The following CENPP variants were observed in gnomAD, a reference collection of about 807,000 sequenced individuals.
The protein encoded by CENPP is centromere protein P.
CENPP carries 24 observed loss-of-function variants against 35.6 expected under a neutral mutation model. That is an observed-to-expected ratio of 0.67 (90% CI 0.49 to 0.95). The LOEUF (loss-of-function observed/expected upper bound fraction) is 0.95. Ranked by LOEUF, CENPP falls within the 40% of genes least tolerant of loss-of-function variation. CENPP has a pLI of 0.00. For missense variants in CENPP, 332 were observed against 345.3 expected (o/e 0.96, Z 0.31); for synonymous variants, 120 against 125.5 (o/e 0.96, Z 0.29).
At chr9:92,478,344 T>C (rs1444767894) in intron 5 of CENPP, among the ~76,000 whole-genome samples, 1 of 152,208 alleles carries the variant, frequency 6.6e-6, no homozygotes, top group Admixed American at 6.5e-5. Flanking sequence ...GGGTTCACAA[T>C]TTCTTGAGGC....
chr9:92,589,174 A>G (rs1850610958), intron 5 of CENPP, among the ~76,000 whole-genome samples: 1 of 148,208 alleles, frequency 6.7e-6, no homozygotes, highest in Non-Finnish European at 1.5e-5. Flanking sequence ...CCAAAAATAC[A>G]CCAAAAAAAA....
At chr9:92,425,751 G>A (rs1157373862) in intron 5 of CENPP, among the ~76,000 whole-genome samples, 1 of 152,194 alleles carries the variant, frequency 6.6e-6, no homozygotes, top group African/African-American at 2.4e-5. Context: ...ACATTGGTAT[G>A]AAAAACGTGG....
intron 2 of CENPP, among the ~76,000 whole-genome samples, chr9:92,334,958 G>A (rs1202668888): frequency 2.6e-5 from 4 of 151,812 alleles, no homozygotes; most frequent in Middle Eastern, 3.2e-3. Flanking sequence ...AAGCCGAGGC[G>A]GGCGAATCAC....
At chr9:92,442,971 TACTCA>T (rs1239177735) in intron 5 of CENPP, among the ~76,000 whole-genome samples, 1 of 151,890 alleles carries the variant, frequency 6.6e-6, no homozygotes, top group East Asian at 1.9e-4. Flanking sequence ...CATGAGGAAA[TACTCA>T]ACTCTCTTCT....
At chr9:92,566,745 A>T (rs1472884203) in intron 5 of CENPP, among the ~76,000 whole-genome samples, 1 of 152,246 alleles carries the variant, frequency 6.6e-6, no homozygotes, top group Non-Finnish European at 1.5e-5. Flanking sequence ...CATGAAGAGG[A>T]TCAACTTATG....
intron 5 of CENPP, among the ~76,000 whole-genome samples, chr9:92,553,959 G>C (rs1849666358): frequency 6.6e-6 from 1 of 152,152 alleles, no homozygotes; most frequent in South Asian, 2.1e-4. Flanking sequence ...TTGAAGAGGA[G>C]TAGTGAGAGT....
chr9:92,575,633 G>T (rs1850262993), intron 5 of CENPP, among the ~76,000 whole-genome samples: 1 of 152,128 alleles, frequency 6.6e-6, no homozygotes, highest in Non-Finnish European at 1.5e-5. Context: ...CCAACATGGT[G>T]AAACCCCGTG....
chr9:92,608,115 C>G (rs1038152899), intron 5 of CENPP, among the ~76,000 whole-genome samples: 2 of 152,216 alleles, frequency 1.3e-5, no homozygotes, highest in Non-Finnish European at 2.9e-5. Flanking sequence ...TATATCACCA[C>G]CTTCCTGACA....
In CENPP at chr9:92,595,839, G is replaced by A. The variant is rs575152654; in HGVS notation, c.565-15475G>A. Among the ~76,000 whole-genome samples, 1,012 of 152,256 alleles carry A rather than the reference G, an allele frequency of 6.6e-3. 10 individuals are homozygous for A. Among genetic ancestry groups the A allele is most frequent in the African/African-American group, 0.023 (965 of 41,552 alleles). On this transcript the variant is annotated intron_variant, in intron 5 of 7. Transcript: ENST00000375587. ...GGCCTCCCAAAGGGCTGGGATTGAA[G>A]GCATGAGCCACCGCACCCAGCCTAT... is the stretch of plus-strand genomic sequence containing the variant.
At chr9:92,506,365 A>G (rs763117646) in intron 5 of CENPP, among the ~76,000 whole-genome samples, 13 of 152,090 alleles carry the variant, frequency 8.5e-5, no homozygotes, top group Non-Finnish European at 1.5e-4. Context: ...AACTAGCAAG[A>G]AAGGCCTTTA....
At chr9:92,428,708 G>GCTTGTTACTTGCTTCTA (rs1844028946) in intron 5 of CENPP, among the ~76,000 whole-genome samples, 2 of 151,992 alleles carry the variant, frequency 1.3e-5, no homozygotes, top group African/African-American at 2.4e-5. Context: ...CCTTGTTTCT[G>GCTTGTTACTTGCTTCTA]CTTGTTACTT....
intron 5 of CENPP, among the ~76,000 whole-genome samples, chr9:92,491,418 A>T (rs1300023916): frequency 6.6e-6 from 1 of 152,140 alleles, no homozygotes; most frequent in Non-Finnish European, 1.5e-5. Flanking sequence ...TGGACACTGC[A>T]GTGAACTTGG....
chr9:92,368,091 T>G (rs781036557), intron 4 of CENPP, among the ~76,000 whole-genome samples: 27 of 152,228 alleles, frequency 1.8e-4, no homozygotes, highest in Non-Finnish European at 3.8e-4. Context: ...AGTTCTTATG[T>G]GTGAATAAGT....
chr9:92,514,912 C>T (rs1847599607), intron 5 of CENPP: 2 of 1,605,830 alleles, frequency 1.2e-6, no homozygotes, highest in African/African-American at 1.3e-5. Flanking sequence ...TGCCAGCCTC[C>T]TCTCCTCTCC....
intron 4 of CENPP, among the ~76,000 whole-genome samples, chr9:92,373,528 TA>T (rs1842056342): frequency 6.6e-6 from 1 of 152,124 alleles, no homozygotes; most frequent in Non-Finnish European, 1.5e-5. Context: ...TGAGCTTCTT[TA>T]AAAATTAATG....
At chr9:92,398,952 C>T (rs1220082242) in intron 5 of CENPP, among the ~76,000 whole-genome samples, 1 of 151,886 alleles carries the variant, frequency 6.6e-6, no homozygotes, top group Admixed American at 6.6e-5. Flanking sequence ...ATCCCAGCTA[C>T]TCGGAGGCTG....
At chr9:92,406,883 C>T (rs974182810) in intron 5 of CENPP, among the ~76,000 whole-genome samples, 18 of 152,132 alleles carry the variant, frequency 1.2e-4, no homozygotes, top group Non-Finnish European at 7.4e-5. Flanking sequence ...GGGTATTACC[C>T]GCACTTCTGA....
chr9:92,542,365 G>C (rs7864575), intron 5 of CENPP, among the ~76,000 whole-genome samples: 6 of 152,000 alleles, frequency 3.9e-5, no homozygotes, highest in Non-Finnish European at 8.8e-5. Context: ...CTGTTGTTTC[G>C]TTTACTGTGT....
At chr9:92,362,137 G>T (rs1588059977) in intron 4 of CENPP, among the ~76,000 whole-genome samples, 1 of 151,988 alleles carries the variant, frequency 6.6e-6, no homozygotes, top group Admixed American at 6.6e-5. Flanking sequence ...TCTTTGCCAT[G>T]TTTCACTTTG....
Sources: allele counts gnomAD v4.1 joint callset (sites outside exome capture counted in the v4.1 genomes callset), GRCh38; gene constraint gnomAD v4.1.1; transcripts MANE v1.5; gene names NCBI Gene and HGNC (gene_info 2026-07-23, HGNC 2026-07-21).